The following CCSER1 variants were observed in gnomAD, a reference collection of about 807,000 sequenced individuals.
CCSER1 encodes the protein coiled-coil serine rich protein 1.
CCSER1 carries 41 observed loss-of-function variants against 82.0 expected under a neutral mutation model. The observed-to-expected ratio is 0.50, with a 90% CI of 0.39 to 0.65. The LOEUF (loss-of-function observed/expected upper bound fraction) is 0.65, where lower values mean the gene tolerates loss of function less well. CCSER1 is among the 30% of genes least tolerant of loss of function. The probability of loss-of-function intolerance (pLI) is 0.00; values close to 1 mark genes in which losing one functional copy is unlikely to be tolerated. For missense variants in CCSER1, 1,119 were observed against 1,064.2 expected (o/e 1.05, Z -0.72); for synonymous variants, 414 against 383.9 (o/e 1.08, Z -0.92).
At chr4:91,088,526 T>A (rs1403620912) in intron 10 of CCSER1, among the ~76,000 whole-genome samples, 1 of 152,178 alleles carries the variant, frequency 6.6e-6, no homozygotes, top group Non-Finnish European at 1.5e-5. Context: ...TGTAAATTAC[T>A]TTTCTGAAGG....
chr4:90,598,566 G>A (rs1167451383), intron 5 of CCSER1, among the ~76,000 whole-genome samples: 1 of 152,198 alleles, frequency 6.6e-6, no homozygotes, highest in African/African-American at 2.4e-5. Context: ...GATTACTGAT[G>A]TAGAGCACTT....
At chr4:91,254,447 A>G (rs1054517990) in intron 10 of CCSER1, among the ~76,000 whole-genome samples, 1 of 152,202 alleles carries the variant, frequency 6.6e-6, no homozygotes, top group African/African-American at 2.4e-5. Context: ...AGCCAATCAT[A>G]AAATGACAAG....
At chr4:90,910,737 C>A (rs1015860209) in intron 8 of CCSER1, among the ~76,000 whole-genome samples, 2 of 152,138 alleles carry the variant, frequency 1.3e-5, no homozygotes, top group African/African-American at 4.8e-5. Context: ...TGTTTAGAGT[C>A]TTGACCCATT....
At chr4:90,151,917 C>A (rs1230793638) in intron 1 of CCSER1, among the ~76,000 whole-genome samples, 1 of 151,870 alleles carries the variant, frequency 6.6e-6, no homozygotes, top group South Asian at 2.1e-4. Flanking sequence ...GATGCTAATG[C>A]ATTAAATAGG....
At chr4:91,440,158 A>G (rs1019928626) in intron 10 of CCSER1, among the ~76,000 whole-genome samples, 4 of 152,192 alleles carry the variant, frequency 2.6e-5, no homozygotes, top group Admixed American at 2.0e-4. Context: ...TCAACAGAAT[A>G]TACATTTTTT....
chr4:90,396,258 C>G (rs1751940818), intron 3 of CCSER1, among the ~76,000 whole-genome samples: 1 of 152,114 alleles, frequency 6.6e-6, no homozygotes, highest in African/African-American at 2.4e-5. Flanking sequence ...TAATTGCACC[C>G]TCTTATATTT....
intron 7 of CCSER1, among the ~76,000 whole-genome samples, chr4:90,810,855 C>T (rs62314133): frequency 0.34 from 40,406 of 118,522 alleles, 6,863 homozygotes; most frequent in East Asian, 0.42. Flanking sequence ...TTTTTTGAGA[C>T]GGAGTCTCGC....
At chr4:90,233,539 GGT>G (rs950383196) in intron 1 of CCSER1, among the ~76,000 whole-genome samples, 1 of 151,840 alleles carries the variant, frequency 6.6e-6, no homozygotes, top group Non-Finnish European at 1.5e-5. Flanking sequence ...TGAGTTAGTG[GGT>G]GCAGCACACC....
At chr4:90,445,023 C>T (rs1760448939) in intron 4 of CCSER1, among the ~76,000 whole-genome samples, 1 of 151,688 alleles carries the variant, frequency 6.6e-6, no homozygotes, top group South Asian at 2.1e-4. Flanking sequence ...CACAGATAAA[C>T]ATCTTCCCTC....
At chr4:90,491,289 G>A (rs1049752114) in intron 5 of CCSER1, among the ~76,000 whole-genome samples, 3 of 152,060 alleles carry the variant, frequency 2.0e-5, no homozygotes, top group African/African-American at 7.2e-5. Context: ...AATTGTGAAT[G>A]GGAGTTCACT....
At chr4:90,406,876 A>C (rs992300079) in intron 4 of CCSER1, among the ~76,000 whole-genome samples, 1 of 152,224 alleles carries the variant, frequency 6.6e-6, no homozygotes, top group African/African-American at 2.4e-5. Flanking sequence ...AGGAAAGTTC[A>C]TAGAATTAAA....
At chr4:90,356,780 G>A (rs751144495) in intron 3 of CCSER1, among the ~76,000 whole-genome samples, 3 of 151,260 alleles carry the variant, frequency 2.0e-5, no homozygotes, top group African/African-American at 4.9e-5. Context: ...TATTTTCTGG[G>A]ACTATTTTAG....
At chr4:90,568,446 A>G (rs1427730885) in intron 5 of CCSER1, among the ~76,000 whole-genome samples, 1 of 151,912 alleles carries the variant, frequency 6.6e-6, no homozygotes, top group Non-Finnish European at 1.5e-5. Context: ...TTTTTGACAC[A>G]TTGTGTATTT....
At chr4:91,071,530 T>C (rs1025347279) in intron 9 of CCSER1, among the ~76,000 whole-genome samples, 2 of 152,136 alleles carry the variant, frequency 1.3e-5, no homozygotes, top group African/African-American at 4.8e-5. Flanking sequence ...AGAGTCATAA[T>C]GTTGCAATGG....
intron 10 of CCSER1, among the ~76,000 whole-genome samples, chr4:91,405,650 G>T (rs954639964): frequency 6.6e-5 from 10 of 152,164 alleles, no homozygotes; most frequent in Non-Finnish European, 1.3e-4. Context: ...AGTGAGCCTG[G>T]CTCCGTGGCA....
intron 3 of CCSER1, among the ~76,000 whole-genome samples, chr4:90,322,351 T>C (rs1028645298): frequency 6.6e-6 from 1 of 152,250 alleles, no homozygotes; most frequent in Non-Finnish European, 1.5e-5. Flanking sequence ...TCTGTTTTTA[T>C]GATACTACCA....
chr4:90,534,653 G>A (rs1490435005), intron 5 of CCSER1, among the ~76,000 whole-genome samples: 1 of 152,070 alleles, frequency 6.6e-6, no homozygotes, highest in Non-Finnish European at 1.5e-5. Flanking sequence ...GCTATTGAAG[G>A]CTTAACATTA....
chr4:90,770,445 G>A (rs372157441), intron 7 of CCSER1, among the ~76,000 whole-genome samples: 3 of 152,112 alleles, frequency 2.0e-5, no homozygotes, highest in East Asian at 3.8e-4. Flanking sequence ...ACTGGGACAT[G>A]GGTCATCCAA....
intron 10 of CCSER1, among the ~76,000 whole-genome samples, chr4:91,237,695 A>T (rs916123003): frequency 3.4e-4 from 51 of 152,100 alleles, no homozygotes; most frequent in African/African-American, 1.2e-3. Flanking sequence ...CAAACTCTAG[A>T]TTGGGGAGAG....
Sources: allele counts gnomAD v4.1 joint callset (sites outside exome capture counted in the v4.1 genomes callset), GRCh38; gene constraint gnomAD v4.1.1; transcripts MANE v1.5; gene names NCBI Gene and HGNC (gene_info 2026-07-23, HGNC 2026-07-21).